The following DAB1 variants were observed in gnomAD, a reference collection of about 807,000 sequenced individuals.
DAB1 encodes DAB adaptor protein 1, also known as disabled homolog 1.
In DAB1, 15 loss-of-function variants were observed where a neutral mutation model predicts 64.6. The observed-to-expected ratio is 0.23, with a 90% CI of 0.16 to 0.36. DAB1 has a LOEUF of 0.36. DAB1 is among the 10% of genes least tolerant of loss of function. The pLI, the probability that DAB1 is intolerant of heterozygous loss-of-function variation, is 1.00. For missense variants in DAB1, 596 were observed against 706.7 expected, an observed-to-expected ratio of 0.84 and a Z score of 1.78; for synonymous variants, 235 against 251.9, an observed-to-expected ratio of 0.93 and a Z score of 0.64.
chr1:57,867,390 C>T (rs1347931297), intron 1 of DAB1: 1 of 152,180 alleles, frequency 6.6e-6, no homozygotes, highest in Non-Finnish European at 1.5e-5. Context: ...CAAGAACTCA[C>T]TTGCCAGCCT....
Position 58,536,870 on chromosome 1 carries a change from TCG to T in DAB1, n.33-9537_33-9536del, listed in dbSNP as rs746706869. 1.0e-5 allele frequency: 6 copies of T among 597,912 alleles called. No homozygotes were observed. The African/African-American group carries it at 1.1e-4, about 11-fold the overall frequency. 37.0% of individuals were successfully genotyped at this position (597,912 alleles called of 1,614,324 possible). ...TGTATGATGTATTTCGCTGAATACA[TCG>T]CTTTTCCAATTAATAAAATTCTTAG... On this transcript the variant is annotated intron_variant and non_coding_transcript_variant, in intron 1 of 20. Coordinates refer to the DAB1 transcript ENST00000485760.
intron 7 of DAB1, among the ~76,000 whole-genome samples, chr1:57,642,118 C>T (rs1646137841): frequency 6.6e-6 from 1 of 151,894 alleles, no homozygotes; most frequent in African/African-American, 2.4e-5. Context: ...TTTAAGTTCT[C>T]AGAGCTAGGT....
At chr1:57,372,373 C>T (rs1018520251) in intron 1 of DAB1, among the ~76,000 whole-genome samples, 1 of 152,162 alleles carries the variant, frequency 6.6e-6, no homozygotes, top group African/African-American at 2.4e-5. Context: ...TCCAGAAAGA[C>T]ACATGGGACC....
At chr1:57,208,019 A>G in intron 2 of DAB1, among the ~76,000 whole-genome samples, 1 of 152,202 alleles carries the variant, frequency 6.6e-6, no homozygotes. Context: ...GCCCTAAAGC[A>G]GGCCCTGAAA....
intron 1 of DAB1, among the ~76,000 whole-genome samples, chr1:58,537,573 T>C (rs968047343): frequency 6.6e-6 from 1 of 152,208 alleles, no homozygotes; most frequent in African/African-American, 2.4e-5. Context: ...CAGAAACATT[T>C]TGACAACAAG....
At chr1:57,719,651 A>G (rs1647127935) in intron 6 of DAB1, among the ~76,000 whole-genome samples, 2 of 152,324 alleles carry the variant, frequency 1.3e-5, no homozygotes, top group South Asian at 4.1e-4. Context: ...GCCATCTTGT[A>G]AAGAAGGTGC....
At chr1:58,266,704 G>A (rs1661171466) in intron 4 of DAB1, among the ~76,000 whole-genome samples, 1 of 152,172 alleles carries the variant, frequency 6.6e-6, no homozygotes, top group African/African-American at 2.4e-5. Flanking sequence ...AGGGAACCAA[G>A]GAGCAGAGAA....
intron 2 of DAB1, among the ~76,000 whole-genome samples, chr1:57,174,347 T>G (rs928550691): frequency 2.6e-5 from 4 of 152,136 alleles, no homozygotes; most frequent in Non-Finnish European, 5.9e-5. Flanking sequence ...TTGACTGCAA[T>G]AAATTTAAAT....
At chr1:57,768,350 G>A (rs914090181) in intron 6 of DAB1, among the ~76,000 whole-genome samples, 1 of 151,664 alleles carries the variant, frequency 6.6e-6, no homozygotes, top group African/African-American at 2.4e-5. Context: ...TTGTTGTAAA[G>A]ATCAAAGGAG....
rs548366723 is a variant in DAB1, at chr1:58,236,027, G to A, written n.310-85439C>T. Among the ~76,000 whole-genome samples the A allele has an allele frequency of 3.3e-5, 5 of 152,260 alleles. No individual in the cohort carries two copies. The South Asian group carries it at 6.2e-4, about 19-fold the overall frequency. On this transcript the variant is annotated intron_variant and non_coding_transcript_variant, in intron 4 of 20. Coordinates refer to the DAB1 transcript ENST00000485760. The stretch of plus-strand genomic sequence containing the variant: ...AATTAGAGCTAATTGACCACCTGTC[G>A]GTCAGGGGCAGCAGAAAGACGAGAG...
intron 4 of DAB1, among the ~76,000 whole-genome samples, chr1:58,218,969 A>G (rs1659000829): frequency 7.2e-6 from 1 of 138,914 alleles, no homozygotes; most frequent in African/African-American, 2.8e-5. Flanking sequence ...CTAAGGAGTA[A>G]TCCCCCATAA....
intron 1 of DAB1, among the ~76,000 whole-genome samples, chr1:57,384,174 A>G (rs1027927715): frequency 6.6e-6 from 1 of 152,202 alleles, no homozygotes; most frequent in Admixed American, 6.5e-5. Flanking sequence ...GGAAAATGCA[A>G]ATTAAAGCCA....
At chr1:57,799,885 A>T (rs1468471776) in intron 6 of DAB1, among the ~76,000 whole-genome samples, 1 of 152,172 alleles carries the variant, frequency 6.6e-6, no homozygotes, top group African/African-American at 2.4e-5. Context: ...CAAGGGCAGA[A>T]ATGAGTAGTG....
chr1:58,475,940 T>C (rs568631934), intron 3 of DAB1, among the ~76,000 whole-genome samples: 93 of 152,254 alleles, frequency 6.1e-4, no homozygotes, highest in African/African-American at 2.2e-3. Context: ...ACCTTAAGTA[T>C]AGAATAACAG....
chr1:57,701,213 C>T (rs1451722482), intron 6 of DAB1, among the ~76,000 whole-genome samples: 2 of 151,900 alleles, frequency 1.3e-5, no homozygotes, highest in African/African-American at 2.4e-5. Context: ...GGTATATACC[C>T]AAAGGATTAT....
intron 7 of DAB1, among the ~76,000 whole-genome samples, chr1:57,597,012 A>C (rs1042246047): frequency 2.0e-5 from 3 of 152,186 alleles, no homozygotes; most frequent in Admixed American, 2.0e-4. Flanking sequence ...GACTTCCTGC[A>C]TAAATTAGCC....
chr1:57,778,224 T>A (rs1381973523), intron 6 of DAB1, among the ~76,000 whole-genome samples: 1 of 152,004 alleles, frequency 6.6e-6, no homozygotes, highest in Non-Finnish European at 1.5e-5. Context: ...ATCATATGCA[T>A]CTTAAGGGTA....
At chr1:57,141,387 T>G (rs549202773) in intron 3 of DAB1, among the ~76,000 whole-genome samples, 1 of 152,236 alleles carries the variant, frequency 6.6e-6, no homozygotes, top group South Asian at 2.1e-4. Context: ...CACTCCCTTA[T>G]CATCCTTCAT....
intron 4 of DAB1, among the ~76,000 whole-genome samples, chr1:58,300,970 T>C (rs1180691125): frequency 2.0e-5 from 3 of 151,996 alleles, no homozygotes; most frequent in African/African-American, 7.2e-5. Context: ...CTTTTTCTAA[T>C]TGGTCCTGGA....
Sources: gnomAD v4.1 joint callset for allele counts (sites outside exome capture counted in the v4.1 genomes callset) on GRCh38, gnomAD v4.1.1 for gene constraint, MANE v1.5 for transcripts, NCBI Gene and HGNC (gene_info 2026-07-23, HGNC 2026-07-21) for gene names.